The following MRM1 variants were observed in gnomAD, a reference collection of about 807,000 sequenced individuals.
The protein encoded by MRM1 is rRNA methyltransferase 1, mitochondrial.
In MRM1, 24 loss-of-function variants were observed where a neutral mutation model predicts 25.0. The observed-to-expected ratio is 0.96, with a 90% CI of 0.69 to 1.35. The LOEUF (loss-of-function observed/expected upper bound fraction) is 1.35. Among genes scored for constraint, MRM1 ranks in the 40% most tolerant of loss-of-function variants. The pLI, the probability that MRM1 is intolerant of heterozygous loss-of-function variation, is 0.00. For synonymous variants in MRM1, 188 were observed against 199.2 expected (o/e 0.94, Z 0.47); for missense variants, 431 against 464.1 (o/e 0.93, Z 0.65).
the MRM1 span, among the ~76,000 whole-genome samples, chr17:36,629,729 G>T: frequency 1.1e-4 from 15 of 138,932 alleles, no homozygotes; most frequent in East Asian, 3.9e-4. Flanking sequence ...GGGATGGGGT[G>T]GGGGGGGGCA....
At chr17:36,627,113 C>T in the MRM1 span, among the ~76,000 whole-genome samples, 1 of 152,302 alleles carries the variant, frequency 6.6e-6, no homozygotes, top group East Asian at 1.9e-4. Flanking sequence ...CCAGGATGGA[C>T]CCCCTGCGAA....
At chr17:36,612,079 AT>A (rs895518405), downstream of MRM1, among the ~76,000 whole-genome samples, 2 of 152,114 alleles carry the variant, frequency 1.3e-5, no homozygotes, top group Non-Finnish European at 2.9e-5. Context: ...CCAACATGGA[AT>A]TTAGAAGTTG....
At chr17:36,622,566 C>T in the MRM1 span, among the ~76,000 whole-genome samples, 2 of 145,724 alleles carry the variant, frequency 1.4e-5, no homozygotes, top group East Asian at 2.0e-4. Context: ...AGCAAGACTC[C>T]GTCTCAAAAA....
chr17:36,625,283 C>G, the MRM1 span, among the ~76,000 whole-genome samples: 1 of 152,100 alleles, frequency 6.6e-6, no homozygotes, highest in East Asian at 1.9e-4. Flanking sequence ...ACACTGTCCA[C>G]AGTTGGCCCC....
chr17:36,611,924 C>G (rs1420061838), downstream of MRM1, among the ~76,000 whole-genome samples: 1 of 150,742 alleles, frequency 6.6e-6, no homozygotes. Context: ...ATTGCATGAG[C>G]CAATGCCTTA....
chr17:36,613,321 CCA>C (rs1312147311), downstream of MRM1, among the ~76,000 whole-genome samples: 5 of 152,130 alleles, frequency 3.3e-5, no homozygotes, highest in Admixed American at 6.5e-5. Context: ...CCAGGGATCC[CCA>C]CAGTTTGTAA....
At chr17:36,617,880 C>G in the MRM1 span, among the ~76,000 whole-genome samples, 1 of 152,190 alleles carries the variant, frequency 6.6e-6, no homozygotes, top group African/African-American at 2.4e-5. Flanking sequence ...TGCTCCCTCT[C>G]TGAGGCTGTG....
At chr17:36,619,784 A>G in the MRM1 span, among the ~76,000 whole-genome samples, 1 of 152,184 alleles carries the variant, frequency 6.6e-6, no homozygotes, top group Non-Finnish European at 1.5e-5. Context: ...TGTTTTCCAT[A>G]GAAGCTGCAC....
the MRM1 span, among the ~76,000 whole-genome samples, chr17:36,626,040 C>T: frequency 1.3e-5 from 2 of 151,674 alleles, no homozygotes; most frequent in South Asian, 2.1e-4. Flanking sequence ...CTGTTCCTTG[C>T]GTCTGTGTCA....
intron 4 of MRM1, 60 bp downstream of exon 4, chr17:36,608,078 GC>G: frequency 6.3e-7 from 1 of 1,594,490 alleles, no homozygotes; most frequent in East Asian, 2.2e-5. Context: ...GGGATTTGAT[GC>G]CCTCTAATCC....
chr17:36,633,408 C>T, the MRM1 span, among the ~76,000 whole-genome samples: 4 of 152,176 alleles, frequency 2.6e-5, no homozygotes, highest in Non-Finnish European at 4.4e-5. Flanking sequence ...CTGCTCCCTG[C>T]CAGAAACATT....
the MRM1 span, among the ~76,000 whole-genome samples, chr17:36,631,158 C>T: frequency 3.3e-5 from 5 of 152,224 alleles, no homozygotes; most frequent in African/African-American, 4.8e-5. Flanking sequence ...TTATTGTGAT[C>T]AAAGCTCTGG....
the MRM1 span, among the ~76,000 whole-genome samples, chr17:36,622,567 G>A: frequency 1.5e-4 from 21 of 141,850 alleles, no homozygotes; most frequent in African/African-American, 4.2e-4. Context: ...GCAAGACTCC[G>A]TCTCAAAAAA....
rs537838220 is a variant in MRM1, at chr17:36,607,705, G to A, written c.672G>A (p.Thr224=). Residue 224 remains threonine, a synonymous_variant, in exon 3 of 5, where the codon ACG becomes ACA. Transcript: ENST00000614766. ...AGCAGGGCTGGCTCGTGGCCGGCAC[G>A]GTGGGCTGCCCAAGCACAGAGGATC... is the stretch of plus-strand genomic sequence containing the variant. ...KAQQGWLVAG[T]VGCPSTEDPQ... 70 of 1,614,116 alleles carry A rather than the reference G, an allele frequency of 4.3e-5. No individual in the cohort carries two copies. In the Admixed American group the frequency reaches 6.7e-4, roughly 15 times the overall value.
rs111706537 is a variant in MRM1, at chr17:36,606,173, C to T, written c.637-1497C>T. Among the ~76,000 whole-genome samples, 140 of 152,298 alleles carry T rather than the reference C, an allele frequency of 9.2e-4. 1 individual carries two copies. Among genetic ancestry groups the T allele is most frequent in the African/African-American group, 3.2e-3 (135 of 41,556 alleles). ...AATGTTCTTGCCCCAGATGTCTGCA[C>T]GGTGCTCCTCCTTCTCCTTCAGGTC... On this transcript the variant is annotated intron_variant, in intron 2 of 4. Transcript: ENST00000614766.
intron 2 of MRM1, 27 bp from the exon 3 acceptor site, chr17:36,607,643 T>C (rs780210600): frequency 6.3e-7 from 1 of 1,594,842 alleles, no homozygotes; most frequent in East Asian, 2.2e-5. Flanking sequence ...AAAAAAGAAT[T>C]AGAACATATC....
chr17:36,612,792 T>C (rs2074984609), downstream of MRM1, among the ~76,000 whole-genome samples: 1 of 152,176 alleles, frequency 6.6e-6, no homozygotes, highest in Non-Finnish European at 1.5e-5. Context: ...GTGGTATGGA[T>C]TGAAAGAGGT....
the MRM1 span, among the ~76,000 whole-genome samples, chr17:36,621,251 G>A: frequency 6.6e-6 from 1 of 152,058 alleles, no homozygotes; most frequent in African/African-American, 2.4e-5. Flanking sequence ...CCATGGCTTG[G>A]TCCCTGCCAG....
the MRM1 span, among the ~76,000 whole-genome samples, chr17:36,619,286 A>G: frequency 6.6e-6 from 1 of 152,196 alleles, no homozygotes; most frequent in Non-Finnish European, 1.5e-5. Flanking sequence ...TTATCCATCC[A>G]TCCATCGATG....
Sources: allele counts gnomAD v4.1 joint callset (sites outside exome capture counted in the v4.1 genomes callset), GRCh38; gene constraint gnomAD v4.1.1; transcripts MANE v1.5; gene names NCBI Gene and HGNC (gene_info 2026-07-23, HGNC 2026-07-21).